The following FRRS1 variants were observed in gnomAD, a reference collection of about 807,000 sequenced individuals.
FRRS1 encodes ferric reductase 1.
Under a neutral mutation model 70.7 loss-of-function variants are expected in FRRS1, and 51 were observed. That is an observed-to-expected ratio of 0.72 (90% CI 0.58 to 0.91). The LOEUF is 0.91. FRRS1 is among the 40% of genes least tolerant of loss of function. The probability of loss-of-function intolerance (pLI) is 0.00; values close to 1 mark genes in which losing one functional copy is unlikely to be tolerated. For missense variants in FRRS1, 672 were observed against 726.0 expected (o/e 0.93, Z 0.86); for synonymous variants, 225 against 238.7 (o/e 0.94, Z 0.53).
rs1204511046 is a variant in FRRS1 at position 99,742,228 on chromosome 1, T to C, written c.379A>G (p.Lys127Glu). 6.2e-7 allele frequency: 1 copy of C among 1,612,250 alleles called. No individual in the cohort carries two copies. Among genetic ancestry groups the C allele is most frequent in the Non-Finnish European group, 8.5e-7 (1 of 1,178,400 alleles). ...CTGCTTGGAGCATTCCAGTAGACTTTAATTTCTGTTTTTTTAGATGCACTT... is the reference window on the plus strand; with the variant it reads ...CTGCTTGGAGCATTCCAGTAGACTTCAATTTCTGTTTTTTTAGATGCACTT... ...HRSASKKTEI[K>E]VYWNAPSSAP... The change falls in exon 5 of 17, where the codon AAA becomes GAA. Residue 127 changes from lysine (K) to glutamate (E), a missense_variant. Physicochemically the swap from Lys to Glu is moderately conservative, Grantham distance 56 (BLOSUM62 1). Transcript: ENST00000646001.
intron 1 of FRRS1, among the ~76,000 whole-genome samples, chr1:99,764,715 A>G (rs1333045574): frequency 6.6e-6 from 1 of 152,246 alleles, no homozygotes. Context: ...ATTTAACCTT[A>G]CTGAGTCTTA....
chr1:99,725,279 T>C lies in FRRS1; in HGVS notation c.1006+3214A>G, dbSNP rs966360992. Among the ~76,000 whole-genome samples the C allele has an allele frequency of 8.5e-5, 13 of 152,342 alleles. 1 individual carries two copies. Among genetic ancestry groups the C allele is most frequent in the South Asian group, 4.1e-4 (2 of 4,824 alleles). On this transcript the variant is annotated intron_variant, in intron 9 of 16. Transcript: ENST00000646001. Reference sequence around the variant, plus strand: ...CCAGAACCAGTCCATGGCCCGTCGGTTGGGGATCCCTGATGTACACTATAA... The same window carrying C: ...CCAGAACCAGTCCATGGCCCGTCGGCTGGGGATCCCTGATGTACACTATAA...
At position 99,706,640 on chromosome 1, in the gene FRRS1, T is replaced by C. The variant is rs913065208; in HGVS notation, c.*2388A>G. On this transcript the variant is annotated 3_prime_UTR_variant, in exon 17 of 17. Transcript: ENST00000646001. Reference sequence around the variant, plus strand: ...TGGGCACAGTGGCTCGTGCCTGTAATCCCAGCACTTTGGGAGGCTGAGGCG... The same window carrying C: ...TGGGCACAGTGGCTCGTGCCTGTAACCCCAGCACTTTGGGAGGCTGAGGCG... Among the ~76,000 whole-genome samples the C allele has an allele frequency of 1.3e-5, 2 of 152,150 alleles. No homozygotes were observed. The highest frequency in any genetic ancestry group is 2.9e-5 in the Non-Finnish European group (2 of 68,020).
chr1:99,749,468 T>G (rs550706951), intron 1 of FRRS1, among the ~76,000 whole-genome samples: 1 of 152,328 alleles, frequency 6.6e-6, no homozygotes, highest in South Asian at 2.1e-4. Context: ...CCTAGAAAGC[T>G]TAAAGAACAA....
chr1:99,758,280 T>C (rs1656940364), intron 1 of FRRS1, among the ~76,000 whole-genome samples: 3 of 152,250 alleles, frequency 2.0e-5, no homozygotes, highest in Admixed American at 6.5e-5. Flanking sequence ...TTAATTTTAA[T>C]AATGAATTGA....
chr1:99,724,781 C>T lies in FRRS1; in HGVS notation c.1006+3712G>A, dbSNP rs1228049754. Among the ~76,000 whole-genome samples, 5 of 150,450 alleles carry T rather than the reference C, an allele frequency of 3.3e-5. No homozygotes were observed. The East Asian group carries it at 9.7e-4, about 29-fold the overall frequency. On this transcript the variant is annotated intron_variant, in intron 9 of 16. Transcript: ENST00000646001. ...AGTGTTTTGTTTTGTGTGCTTTGCACTGTACCAGTTAAAAAAAAAAAAAAT... is the reference window on the plus strand; with the variant it reads ...AGTGTTTTGTTTTGTGTGCTTTGCATTGTACCAGTTAAAAAAAAAAAAAAT...
intron 6 of FRRS1, among the ~76,000 whole-genome samples, chr1:99,738,946 G>A (rs1655816366): frequency 2.0e-5 from 3 of 152,162 alleles, no homozygotes; most frequent in Admixed American, 2.0e-4. Flanking sequence ...AAAATCAGCT[G>A]TATAATCTGA....
chr1:99,756,518 T>C (rs1557708590), intron 1 of FRRS1, among the ~76,000 whole-genome samples: 2 of 152,220 alleles, frequency 1.3e-5, no homozygotes, highest in Non-Finnish European at 2.9e-5. Flanking sequence ...ATTATTTGAT[T>C]GTGGGCCACA....
At chr1:99,751,443 A>G (rs1462521930) in intron 1 of FRRS1, among the ~76,000 whole-genome samples, 1 of 152,098 alleles carries the variant, frequency 6.6e-6, no homozygotes, top group Non-Finnish European at 1.5e-5. Context: ...ACTGTGGAAA[A>G]CCCTGATTAA....
At chr1:99,765,866 C>A (rs1008279071) in intron 1 of FRRS1, 1 of 151,894 alleles carries the variant, frequency 6.6e-6, no homozygotes, top group African/African-American at 2.4e-5. Context: ...GATCGCGCCA[C>A]TGCACTCCAG....
At chr1:99,764,070 C>G (rs948026211) in intron 1 of FRRS1, among the ~76,000 whole-genome samples, 1 of 152,038 alleles carries the variant, frequency 6.6e-6, no homozygotes, top group African/African-American at 2.4e-5. Flanking sequence ...AATACATCAG[C>G]TAATAATTAT....
rs779671533 is a variant in FRRS1 at position 99,712,521 on chromosome 1, C to G, written c.1324-6G>C. ...TATGGGTGGTAACCTGCATGCTAAA[C>G]AAAGTTACATCATTTTAATGGCCTC... On this transcript the variant is annotated splice_region_variant and splice_polypyrimidine_tract_variant and intron_variant, in intron 12 of 16. Coordinates refer to ENST00000646001, the MANE Select transcript of FRRS1 (RefSeq NM_001361041.2). 2 of 1,555,688 alleles carry G rather than the reference C, an allele frequency of 1.3e-6. No individual in the cohort carries two copies. The highest frequency in any genetic ancestry group is 1.4e-5 in the African/African-American group (1 of 72,890).
chr1:99,719,057 C>T (rs1208767402), intron 10 of FRRS1, among the ~76,000 whole-genome samples: 1 of 121,618 alleles, frequency 8.2e-6, no homozygotes, highest in East Asian at 2.2e-4. Context: ...ATGATGCTTA[C>T]CAACAGCTGT....
At chr1:99,723,575 T>C (rs544400417) in intron 9 of FRRS1, among the ~76,000 whole-genome samples, 20 of 152,192 alleles carry the variant, frequency 1.3e-4, no homozygotes, top group Admixed American at 3.3e-4. Flanking sequence ...CAGATACATA[T>C]GAAGAAGCAA....
At chr1:99,747,643 C>A (rs1388781910) in intron 3 of FRRS1, 8 of 494,126 alleles carry the variant, frequency 1.6e-5, no homozygotes, top group Non-Finnish European at 2.9e-5. Flanking sequence ...TATTAATAGC[C>A]ATTCCGCAAA....
chr1:99,741,119 C>G lies in FRRS1; in HGVS notation c.429-179G>C, dbSNP rs185150481. Among the ~76,000 whole-genome samples the G allele has an allele frequency of 6.6e-3, 1,006 of 152,296 alleles. 3 individuals are homozygous for G. Among genetic ancestry groups the G allele is most frequent in the Non-Finnish European group, 9.1e-3 (616 of 68,010 alleles). On this transcript the variant is annotated intron_variant, in intron 5 of 16. Coordinates refer to ENST00000646001, the MANE Select transcript of FRRS1 (RefSeq NM_001361041.2). ...CACTCTCTCCCACCCGATCACTTGA[C>G]AAATTTTTATTGCTTTCTCTCCCTC...
chr1:99,735,652 C>T (rs1412321694), intron 7 of FRRS1, among the ~76,000 whole-genome samples: 1 of 152,156 alleles, frequency 6.6e-6, no homozygotes, highest in Non-Finnish European at 1.5e-5. Context: ...ATCAACTGCA[C>T]CTGCGTAATT....
At chr1:99,764,598 C>G (rs552616475) in intron 1 of FRRS1, among the ~76,000 whole-genome samples, 7 of 152,286 alleles carry the variant, frequency 4.6e-5, no homozygotes, top group Non-Finnish European at 7.3e-5. Flanking sequence ...CAACTACTGT[C>G]CTATGATACA....
At chr1:99,758,620 G>A (rs1656958959) in intron 1 of FRRS1, among the ~76,000 whole-genome samples, 1 of 151,974 alleles carries the variant, frequency 6.6e-6, no homozygotes, top group Non-Finnish European at 1.5e-5. Context: ...ATGTGTGTTT[G>A]AACAGTATGA....
Sources: allele counts gnomAD v4.1 joint callset (sites outside exome capture counted in the v4.1 genomes callset), GRCh38; gene constraint gnomAD v4.1.1; transcripts MANE v1.5; gene names NCBI Gene and HGNC (gene_info 2026-07-23, HGNC 2026-07-21).